The following STPG2 variants were observed in gnomAD, a reference collection of about 807,000 sequenced individuals.
STPG2 encodes sperm-tail PG-rich repeat-containing protein 2.
A neutral mutation model predicts 54.2 loss-of-function variants in STPG2; 56 were observed. The ratio of observed to expected loss-of-function variants is 1.03; its 90% CI spans 0.83 to 1.29. STPG2 has a LOEUF of 1.29. Among genes scored for constraint, STPG2 ranks in the 50% most tolerant of loss-of-function variants. The probability of loss-of-function intolerance (pLI) is 0.00; values close to 1 mark genes in which losing one functional copy is unlikely to be tolerated. For missense variants in STPG2, 596 were observed against 544.9 expected (o/e 1.09, Z -0.93); for synonymous variants, 200 against 181.8 (o/e 1.10, Z -0.81).
At chr4:97,696,506 A>T (rs1326104863) in intron 10 of STPG2, among the ~76,000 whole-genome samples, 1 of 152,240 alleles carries the variant, frequency 6.6e-6, no homozygotes, top group African/African-American at 2.4e-5. Flanking sequence ...AACACAATAA[A>T]AATAGAGATA....
chr4:97,663,185 G>A (rs556347790), intron 10 of STPG2, among the ~76,000 whole-genome samples: 2 of 152,182 alleles, frequency 1.3e-5, no homozygotes, highest in African/African-American at 4.8e-5. Context: ...TGAAGTCCCA[G>A]CTTAATGCCC....
rs966777353 is a variant in STPG2 at position 98,140,468 on chromosome 4, A to C, written c.109+2574T>G. ...AGTAATATTTTATATGTTTAATTCA[A>C]AATAGAAATAATGAGAGCTTGAACT... On this transcript the variant is annotated intron_variant, in intron 1 of 10. Coordinates refer to ENST00000295268, the MANE Select transcript of STPG2 (RefSeq NM_174952.3). 2.0e-5 allele frequency among the ~76,000 whole-genome samples: 3 copies of C among 152,208 alleles called. No individual in the cohort carries two copies. In the East Asian group the frequency reaches 5.8e-4, roughly 29 times the overall value.
At chr4:97,615,258 A>G (rs1733830363) in intron 10 of STPG2, among the ~76,000 whole-genome samples, 1 of 152,154 alleles carries the variant, frequency 6.6e-6, no homozygotes, top group Non-Finnish European at 1.5e-5. Context: ...TATTAAAACA[A>G]GTTAGCATGA....
intron 4 of STPG2, among the ~76,000 whole-genome samples, chr4:97,448,101 T>C (rs1729272575): frequency 6.6e-6 from 1 of 152,192 alleles, no homozygotes; most frequent in South Asian, 2.1e-4. Context: ...CACATGGGGC[T>C]TATAGCCCCT....
intron 8 of STPG2, among the ~76,000 whole-genome samples, chr4:97,911,746 CAT>C (rs1731686327): frequency 6.6e-6 from 1 of 152,156 alleles, no homozygotes; most frequent in African/African-American, 2.4e-5. Flanking sequence ...GTTCAGCAGA[CAT>C]AGCATTTCCT....
intron 9 of STPG2, among the ~76,000 whole-genome samples, chr4:97,723,644 C>T (rs1453080697): frequency 1.3e-5 from 2 of 152,070 alleles, no homozygotes; most frequent in African/African-American, 2.4e-5. Context: ...TTTCACACTG[C>T]TATAAAGAAC....
intron 8 of STPG2, among the ~76,000 whole-genome samples, chr4:97,936,519 T>A (rs1179514315): frequency 2.6e-5 from 4 of 152,176 alleles, no homozygotes; most frequent in Non-Finnish European, 5.9e-5. Context: ...CTGGTACCAG[T>A]TTTACCTTTC....
intron 5 of STPG2, among the ~76,000 whole-genome samples, chr4:98,018,172 C>G (rs1429301062): frequency 6.6e-6 from 1 of 151,940 alleles, no homozygotes; most frequent in Non-Finnish European, 1.5e-5. Flanking sequence ...TCCCCCCATC[C>G]CCACCCCACA....
Position 97,840,815 on chromosome 4 carries a change from T to C in STPG2, c.1162A>G (p.Ser388Gly), listed in dbSNP as rs749682342. ...TTTTCTAGGCACCGAGGAGTTGCAC[T>C]AAGAAAAGAGGCATGTTTTCTTTTA... The part of the protein sequence containing the change: ...VAKRKHASFL[S>G]ATPRCLEKVT... The change falls in exon 9 of 11, where the codon AGT (serine) becomes GGT (glycine). Residue 388 changes from serine to glycine, a missense_variant. By Grantham distance (56) the Ser-to-Gly change is moderately conservative (BLOSUM62 0). Coordinates refer to ENST00000295268, the MANE Select transcript of STPG2 (RefSeq NM_174952.3). 3.3e-5 allele frequency: 54 copies of C among 1,612,106 alleles called. No individual in the cohort carries two copies. The highest frequency in any genetic ancestry group is 5.0e-5 in the Admixed American group (3 of 59,876).
At chr4:97,620,606 G>A (rs1273590511) in intron 10 of STPG2, among the ~76,000 whole-genome samples, 5 of 152,112 alleles carry the variant, frequency 3.3e-5, no homozygotes, top group African/African-American at 7.2e-5. Flanking sequence ...TATCCTAAAT[G>A]TATATGCACC....
chr4:97,978,774 C>T (rs1734575399), intron 6 of STPG2, among the ~76,000 whole-genome samples: 1 of 152,032 alleles, frequency 6.6e-6, no homozygotes, highest in South Asian at 2.1e-4. Context: ...TTTTTCATCC[C>T]CAGTCTATCC....
chr4:97,986,207 A>C (rs1410210709), intron 5 of STPG2, among the ~76,000 whole-genome samples: 1 of 152,236 alleles, frequency 6.6e-6, no homozygotes, highest in Non-Finnish European at 1.5e-5. Flanking sequence ...GTAGTCGTCT[A>C]TAGTCACCTG....
intron 8 of STPG2, among the ~76,000 whole-genome samples, chr4:97,922,789 C>T (rs1044133260): frequency 2.0e-5 from 3 of 152,122 alleles, no homozygotes; most frequent in Non-Finnish European, 4.4e-5. Context: ...AGCAGCAGTT[C>T]CTTCCCATAA....
At chr4:97,927,620 A>G (rs766265680) in intron 8 of STPG2, among the ~76,000 whole-genome samples, 3 of 152,094 alleles carry the variant, frequency 2.0e-5, no homozygotes, top group Non-Finnish European at 4.4e-5. Flanking sequence ...ATCACAAAAA[A>G]AGTTTATAAT....
At chr4:98,091,600 A>G (rs1271883873) in intron 5 of STPG2, among the ~76,000 whole-genome samples, 3 of 152,046 alleles carry the variant, frequency 2.0e-5, no homozygotes. Flanking sequence ...AGATATTTGT[A>G]TCTTCCATTG....
At chr4:97,816,756 C>T (rs202027290) in intron 9 of STPG2, among the ~76,000 whole-genome samples, 1 of 144,812 alleles carries the variant, frequency 6.9e-6, no homozygotes, top group South Asian at 2.3e-4. Flanking sequence ...TTCTTTCTTT[C>T]TTTTTCTTTT....
chr4:97,612,850 T>C (rs1733764892), intron 10 of STPG2, among the ~76,000 whole-genome samples: 1 of 152,016 alleles, frequency 6.6e-6, no homozygotes, highest in African/African-American at 2.4e-5. Context: ...TAATAATAAA[T>C]GATGTCATGA....
At chr4:97,972,196 A>G in intron 7 of STPG2, 84 bp downstream of exon 7, 5 of 929,662 alleles carry the variant, frequency 5.4e-6, no homozygotes, top group Non-Finnish European at 4.6e-6. Flanking sequence ...ATCCTTTTCT[A>G]TTAATTATAA....
intron 10 of STPG2, among the ~76,000 whole-genome samples, chr4:97,632,299 TA>T (rs1304533071): frequency 1.3e-5 from 2 of 151,356 alleles, no homozygotes; most frequent in African/African-American, 2.4e-5. Context: ...TTTTTTTTTT[TA>T]TTTCTGAGCT....
Sources: allele counts gnomAD v4.1 joint callset (sites outside exome capture counted in the v4.1 genomes callset), GRCh38; gene constraint gnomAD v4.1.1; transcripts MANE v1.5; gene names NCBI Gene and HGNC (gene_info 2026-07-23, HGNC 2026-07-21).